The following MYT1L variants were observed in gnomAD, a reference collection of about 807,000 sequenced individuals.
The protein encoded by MYT1L is myelin transcription factor 1-like protein.
MYT1L carries 12 observed loss-of-function variants against 126.7 expected under a neutral mutation model. The observed-to-expected ratio is 0.09, with a 90% CI of 0.06 to 0.15. The LOEUF is 0.15. Ranked by LOEUF, MYT1L falls within the 10% of genes least tolerant of loss-of-function variation. MYT1L has a pLI of 1.00. For synonymous variants in MYT1L, 541 were observed against 604.2 expected, an observed-to-expected ratio of 0.90 and a Z score of 1.53; for missense variants, 979 against 1,585.2, an observed-to-expected ratio of 0.62 and a Z score of 6.49.
chr2:1,956,191 GTCTATCTATCTA>G (rs368487475), intron 8 of MYT1L, among the ~76,000 whole-genome samples: 4 of 145,876 alleles, frequency 2.7e-5, no homozygotes, highest in African/African-American at 5.4e-5. Context: ...TTACCTAGCT[GTCTATCTATCTA>G]TCTATCTATC....
At chr2:1,970,481 CCT>C (rs1430355983) in intron 8 of MYT1L, among the ~76,000 whole-genome samples, 2 of 150,814 alleles carry the variant, frequency 1.3e-5, no homozygotes, top group East Asian at 2.0e-4. Flanking sequence ...GGTGCACACC[CCT>C]GAGTAGTTGC....
At chr2:2,071,375 G>A (rs1025225661) in intron 3 of MYT1L, among the ~76,000 whole-genome samples, 4 of 152,090 alleles carry the variant, frequency 2.6e-5, no homozygotes, top group South Asian at 2.1e-4. Context: ...GTTCTACTAC[G>A]AGCTCAGCAC....
At position 2,043,623 on chromosome 2, in the gene MYT1L, C is replaced by A. The variant is rs932608951; in HGVS notation, c.-158+10355G>T. Among the ~76,000 whole-genome samples, 8 of 152,272 alleles carry A rather than the reference C, an allele frequency of 5.3e-5. No individual in the cohort carries two copies. In the South Asian group the frequency reaches 6.2e-4, roughly 12 times the overall value. ...CCCACTGTCTGTGTGGCCTCCTCCC[C>A]CAATGGGTCCATGTCTTACTCATGG... On this transcript the variant is annotated intron_variant, in intron 4 of 24. Coordinates refer to ENST00000647738, the MANE Select transcript of MYT1L (RefSeq NM_001303052.2).
chr2:2,166,148 T>G (rs900632543), intron 3 of MYT1L, among the ~76,000 whole-genome samples: 7 of 152,196 alleles, frequency 4.6e-5, no homozygotes, highest in Non-Finnish European at 8.8e-5. Flanking sequence ...GTCTCCTTAT[T>G]TCCTTTCTTA....
At chr2:2,098,373 C>T (rs2077683333) in intron 3 of MYT1L, among the ~76,000 whole-genome samples, 1 of 152,206 alleles carries the variant, frequency 6.6e-6, no homozygotes. Flanking sequence ...CAAGTACCAC[C>T]TGTCTTAAGT....
intron 23 of MYT1L, among the ~76,000 whole-genome samples, chr2:1,796,701 G>A (rs1364210356): frequency 2.6e-5 from 4 of 152,026 alleles, no homozygotes; most frequent in East Asian, 1.9e-4. Flanking sequence ...AGCCGGCTCC[G>A]AGCCATCCTC....
Position 1,980,639 on chromosome 2 carries a change from T to C in MYT1L, c.1-862A>G, listed in dbSNP as rs1045628792. 1.1e-4 allele frequency among the ~76,000 whole-genome samples: 17 copies of C among 152,276 alleles called. 1 individual carries two copies. The highest frequency in any genetic ancestry group is 1.0e-4 in the Non-Finnish European group (7 of 68,028). On this transcript the variant is annotated intron_variant, in intron 5 of 24. Transcript: ENST00000647738. ...TTTTGTAAGGAAAGTATTTTTATTA[T>C]ACCTATTTAATACATGAGAAAACTA...
intron 3 of MYT1L, among the ~76,000 whole-genome samples, chr2:2,085,134 T>A (rs1325207493): frequency 6.6e-6 from 1 of 152,146 alleles, no homozygotes; most frequent in Non-Finnish European, 1.5e-5. Flanking sequence ...GTTTCTTTTC[T>A]CCATCAGCTG....
intron 4 of MYT1L, among the ~76,000 whole-genome samples, chr2:2,031,908 T>A (rs1368731239): frequency 7.6e-6 from 1 of 131,684 alleles, no homozygotes; most frequent in Non-Finnish European, 1.6e-5. Flanking sequence ...ACACACACCC[T>A]CGCCAGTGCC....
intron 18 of MYT1L, among the ~76,000 whole-genome samples, chr2:1,858,728 G>A (rs1333907957): frequency 2.6e-5 from 4 of 152,206 alleles, no homozygotes; most frequent in Admixed American, 2.6e-4. Flanking sequence ...CAGTTTGTAA[G>A]ACATTCAGTG....
intron 14 of MYT1L, among the ~76,000 whole-genome samples, chr2:1,894,025 G>C (rs1449381505): frequency 6.6e-6 from 1 of 152,232 alleles, no homozygotes. Context: ...TTTACACCCA[G>C]ATTCCTGTGC....
intron 21 of MYT1L, among the ~76,000 whole-genome samples, chr2:1,836,911 A>G (rs556965458): frequency 6.6e-6 from 1 of 152,370 alleles, no homozygotes; most frequent in African/African-American, 2.4e-5. Flanking sequence ...CCTGGGGAAG[A>G]GGCTCCCTTT....
chr2:2,063,516 G>A (rs2070811906), intron 3 of MYT1L, among the ~76,000 whole-genome samples: 2 of 152,054 alleles, frequency 1.3e-5, no homozygotes, highest in African/African-American at 4.8e-5. Context: ...GCCAAGAACT[G>A]GATTCTGAGC....
At chr2:1,947,475 G>A (rs1254892327) in intron 8 of MYT1L, among the ~76,000 whole-genome samples, 3 of 152,204 alleles carry the variant, frequency 2.0e-5, no homozygotes, top group Non-Finnish European at 2.9e-5. Context: ...GGGCCGTAGG[G>A]CATTGCTGTG....
At chr2:2,009,722 T>C (rs2063641837) in intron 4 of MYT1L, among the ~76,000 whole-genome samples, 1 of 152,160 alleles carries the variant, frequency 6.6e-6, no homozygotes, top group African/African-American at 2.4e-5. Flanking sequence ...TGACTGCTCT[T>C]GTTAGTACTT....
rs1319034964 is a variant in MYT1L, at chr2:1,848,471, CAGG to C, written c.2774+3167_2774+3169del. ...TCCCCTCTCACAACAGCCCACAGTA[CAGG>C]AGGAGGATGCCTTGAACCCACACAA... On this transcript the variant is annotated intron_variant, in intron 19 of 24. Transcript: ENST00000647738. The surrounding 1 kb of genome is among the most constrained non-coding windows in gnomAD (Gnocchi z 4.8). Among the ~76,000 whole-genome samples, 1 of 152,064 alleles carries C rather than the reference CAGG, an allele frequency of 6.6e-6. No individual in the cohort carries two copies. The highest frequency in any genetic ancestry group is 1.5e-5 in the Non-Finnish European group (1 of 68,044).
chr2:1,987,329 T>G (rs1388671874), intron 5 of MYT1L, among the ~76,000 whole-genome samples: 1 of 152,046 alleles, frequency 6.6e-6, no homozygotes, highest in African/African-American at 2.4e-5. Context: ...GTTTTTTTTT[T>G]TCTGTTTTTT....
intron 2 of MYT1L, among the ~76,000 whole-genome samples, chr2:2,191,316 G>A (rs1206131275): frequency 2.0e-5 from 3 of 152,226 alleles, no homozygotes; most frequent in Admixed American, 1.3e-4. Flanking sequence ...AACACTGGCA[G>A]GTCAGATTGG....
intron 4 of MYT1L, among the ~76,000 whole-genome samples, chr2:2,037,824 C>T (rs1333436026): frequency 6.6e-6 from 1 of 151,452 alleles, no homozygotes; most frequent in African/African-American, 2.4e-5. Flanking sequence ...ACCCCCTACA[C>T]ACTTCAAACT....
Sources: gnomAD v4.1 joint callset for allele counts (sites outside exome capture counted in the v4.1 genomes callset) on GRCh38, gnomAD v4.1.1 for gene constraint, Gnocchi (gnomAD v3.1) non-coding constraint, MANE v1.5 for transcripts, NCBI Gene and HGNC (gene_info 2026-07-23, HGNC 2026-07-21) for gene names.